The following TBC1D22A variants were observed in gnomAD, a reference collection of about 807,000 sequenced individuals.
TBC1D22A encodes TBC1 domain family member 22A.
Under a neutral mutation model 60.2 loss-of-function variants are expected in TBC1D22A, and 38 were observed. That is an observed-to-expected ratio of 0.63 (90% CI 0.49 to 0.83). The LOEUF is 0.83. Among genes scored for constraint, TBC1D22A ranks in the 40% least tolerant of loss-of-function variants. TBC1D22A has a pLI of 0.00. For missense variants in TBC1D22A, 628 were observed against 701.0 expected (o/e 0.90, Z 1.18); for synonymous variants, 302 against 281.7 (o/e 1.07, Z -0.72).
intron 11 of TBC1D22A, among the ~76,000 whole-genome samples, chr22:47,094,721 T>C (rs2092837): frequency 0.45 from 68,871 of 152,074 alleles, 16,108 homozygotes; most frequent in East Asian, 0.59. Flanking sequence ...TTATACTATA[T>C]GGCTTTAAAA....
intron 11 of TBC1D22A, among the ~76,000 whole-genome samples, chr22:47,069,950 C>A (rs1038829702): frequency 1.7e-5 from 2 of 119,826 alleles, no homozygotes; most frequent in Non-Finnish European, 3.3e-5. Context: ...GCTGACCTGA[C>A]GGTCCCAGCG....
intron 12 of TBC1D22A, among the ~76,000 whole-genome samples, chr22:47,131,337 C>G (rs1184730876): frequency 6.6e-6 from 1 of 152,208 alleles, no homozygotes. Flanking sequence ...AGGTGGAGTC[C>G]GGGTTCTTCC....
At chr22:47,067,714 C>T (rs116114284) in intron 11 of TBC1D22A, among the ~76,000 whole-genome samples, 6 of 152,274 alleles carry the variant, frequency 3.9e-5, no homozygotes, top group South Asian at 4.2e-4. Flanking sequence ...AAGGGACCAT[C>T]GTCATGTATT....
At chr22:47,013,783 C>G (rs966743631) in intron 10 of TBC1D22A, among the ~76,000 whole-genome samples, 1 of 152,240 alleles carries the variant, frequency 6.6e-6, no homozygotes, top group Admixed American at 6.5e-5. Context: ...TCTCTACCCC[C>G]TCGTCTCTCT....
intron 12 of TBC1D22A, among the ~76,000 whole-genome samples, chr22:47,122,985 G>T (rs1189263873): frequency 6.6e-6 from 1 of 152,218 alleles, no homozygotes; most frequent in East Asian, 1.9e-4. Context: ...ATTATACCTG[G>T]AAGGAGGCGG....
At chr22:47,137,907 C>G (rs1335602247) in intron 12 of TBC1D22A, among the ~76,000 whole-genome samples, 1 of 152,132 alleles carries the variant, frequency 6.6e-6, no homozygotes, top group Non-Finnish European at 1.5e-5. Flanking sequence ...GTTTGCATCT[C>G]TGAAAGGGGC....
chr22:47,003,397 A>G (rs938344648), intron 10 of TBC1D22A, among the ~76,000 whole-genome samples: 7 of 151,068 alleles, frequency 4.6e-5, no homozygotes, highest in Admixed American at 6.6e-5. Context: ...CACACCCTAC[A>G]CACACATGCC....
At chr22:46,770,734 G>A (rs1601793239) in intron 1 of TBC1D22A, among the ~76,000 whole-genome samples, 2 of 152,330 alleles carry the variant, frequency 1.3e-5, no homozygotes, top group South Asian at 4.1e-4. Flanking sequence ...CAGAATGTTG[G>A]CTGCTGCTTC....
chr22:46,954,676 G>GT (rs2073097761), intron 8 of TBC1D22A, among the ~76,000 whole-genome samples: 1 of 105,796 alleles, frequency 9.5e-6, no homozygotes, highest in Non-Finnish European at 1.7e-5. Flanking sequence ...GAGTACCAGC[G>GT]TGTGTTCAGC....
intron 11 of TBC1D22A, among the ~76,000 whole-genome samples, chr22:47,041,278 G>A (rs144243350): frequency 6.6e-6 from 1 of 152,136 alleles, no homozygotes; most frequent in Non-Finnish European, 1.5e-5. Flanking sequence ...CGCTCCTCAC[G>A]CAGGGCTGGC....
rs1555960077 is a variant in TBC1D22A at position 46,941,584 on chromosome 22, A to AAT, written c.1015+29404_1015+29405dup. On this transcript the variant is annotated intron_variant, in intron 8 of 12. Transcript: ENST00000337137. ...ATATATACGGAATATATATACAGGG[A>AAT]ATATATATACGGAATATATATACGC... is the stretch of plus-strand genomic sequence containing the variant. 1.2e-4 allele frequency among the ~76,000 whole-genome samples: 17 copies of AAT among 147,480 alleles called. No homozygotes were observed. In the East Asian group the frequency reaches 2.6e-3, roughly 22 times the overall value.
At chr22:46,841,599 A>G (rs1043076380) in intron 4 of TBC1D22A, among the ~76,000 whole-genome samples, 1 of 152,246 alleles carries the variant, frequency 6.6e-6, no homozygotes, top group East Asian at 1.9e-4. Flanking sequence ...GACCCAGAAG[A>G]TATTCATCAT....
intron 11 of TBC1D22A, among the ~76,000 whole-genome samples, chr22:47,054,900 G>A (rs965778584): frequency 6.6e-6 from 1 of 152,214 alleles, no homozygotes; most frequent in African/African-American, 2.4e-5. Context: ...CGTGGGGTGT[G>A]GGTGCAGTTG....
intron 8 of TBC1D22A, among the ~76,000 whole-genome samples, chr22:46,971,353 T>A (rs1464161095): frequency 2.6e-5 from 4 of 152,174 alleles, no homozygotes; most frequent in Non-Finnish European, 5.9e-5. Context: ...AGGCCTTAGT[T>A]CCCTGTTTAC....
chr22:46,919,036 G>A (rs1019440825), intron 8 of TBC1D22A, among the ~76,000 whole-genome samples: 5 of 152,146 alleles, frequency 3.3e-5, no homozygotes, highest in Admixed American at 1.3e-4. Flanking sequence ...CCCACTTAGA[G>A]TGTAAAGTTG....
chr22:46,917,336 C>T (rs1192027861), intron 8 of TBC1D22A, among the ~76,000 whole-genome samples: 3 of 152,130 alleles, frequency 2.0e-5, no homozygotes, highest in African/African-American at 4.8e-5. Context: ...GGAGCAGGCC[C>T]AGACCAGAGG....
chr22:47,153,316 G>C (rs990680086), intron 12 of TBC1D22A, among the ~76,000 whole-genome samples: 1 of 152,228 alleles, frequency 6.6e-6, no homozygotes, highest in Non-Finnish European at 1.5e-5. Flanking sequence ...GGGAAATGCA[G>C]TATTTTAGCA....
chr22:47,138,602 T>C (rs541509545), intron 12 of TBC1D22A, among the ~76,000 whole-genome samples: 6 of 152,364 alleles, frequency 3.9e-5, no homozygotes, highest in Admixed American at 2.6e-4. Context: ...GAGAGCCCCC[T>C]TGGTGGGTCT....
intron 12 of TBC1D22A, among the ~76,000 whole-genome samples, chr22:47,148,632 C>CTT: frequency 6.7e-6 from 1 of 149,558 alleles, no homozygotes; most frequent in Non-Finnish European, 1.5e-5. Context: ...TCCTGGGGTC[C>CTT]CTCCCTCCCC....
Sources: gnomAD v4.1 joint callset for allele counts (sites outside exome capture counted in the v4.1 genomes callset) on GRCh38, gnomAD v4.1.1 for gene constraint, MANE v1.5 for transcripts, NCBI Gene and HGNC (gene_info 2026-07-23, HGNC 2026-07-21) for gene names.